Variants in TBC1D4 observed in about 807,000 individuals in gnomAD.
TBC1D4 encodes the protein TBC1 domain family member 4.
TBC1D4 carries 121 observed loss-of-function variants against 142.5 expected under a neutral mutation model. That is an observed-to-expected ratio of 0.85 (90% CI 0.73 to 0.99). The LOEUF is 0.99. TBC1D4 is among the 50% of genes least tolerant of loss of function. The pLI is 0.00. For missense variants in TBC1D4, 1,475 were observed against 1,606.6 expected (o/e 0.92, Z 1.40); for synonymous variants, 630 against 628.2 (o/e 1.00, Z -0.04).
intron 2 of TBC1D4, among the ~76,000 whole-genome samples, chr13:75,360,406 T>C (rs1406373039): frequency 6.6e-6 from 1 of 152,116 alleles, no homozygotes; most frequent in Non-Finnish European, 1.5e-5. Flanking sequence ...ATGACATACC[T>C]TGAGTTCATT....
Position 75,289,097 on chromosome 13 carries a change from T to A in TBC1D4, c.3500A>T (p.Asp1167Val). ...EKIITQVFEM[D>V]ISKQLHAYEV... ...ATAGGCATGCAACTGCTTAGAAATA[T>A]CCATCTCAAAAACCTGCCATGAAAG... Residue 1167 changes from aspartate to valine, a missense_variant, in exon 20 of 21, where the codon GAT (aspartate) becomes GTT (valine). Asp to Val is a radical substitution (Grantham distance 152, BLOSUM62 -3). Transcript: ENST00000377636. 1.2e-6 allele frequency: 2 copies of A among 1,613,730 alleles called. No individual in the cohort carries two copies. Among genetic ancestry groups the A allele is most frequent in the South Asian group, 1.1e-5 (1 of 91,082 alleles).
chr13:75,377,904 T>C (rs1424051567), intron 1 of TBC1D4, among the ~76,000 whole-genome samples: 1 of 151,954 alleles, frequency 6.6e-6, no homozygotes, highest in Non-Finnish European at 1.5e-5. Context: ...AATTATATAT[T>C]AATGGCATGC....
chr13:75,470,226 T>A (rs1361607231), intron 1 of TBC1D4, among the ~76,000 whole-genome samples: 1 of 152,194 alleles, frequency 6.6e-6, no homozygotes, highest in East Asian at 1.9e-4. Flanking sequence ...AAAGTCTCTG[T>A]CACAAATGCT....
At chr13:75,399,192 C>T (rs1593842820) in intron 1 of TBC1D4, among the ~76,000 whole-genome samples, 2 of 152,100 alleles carry the variant, frequency 1.3e-5, no homozygotes, top group South Asian at 4.2e-4. Flanking sequence ...AACCCCCAAA[C>T]TTCTATAGGC....
At chr13:75,384,779 AC>A (rs1428601801) in intron 1 of TBC1D4, among the ~76,000 whole-genome samples, 1 of 152,176 alleles carries the variant, frequency 6.6e-6, no homozygotes, top group Admixed American at 6.5e-5. Context: ...AAATAAACAA[AC>A]AAAAATCATC....
chr13:75,423,126 C>T (rs1435541314), intron 1 of TBC1D4, among the ~76,000 whole-genome samples: 4 of 152,050 alleles, frequency 2.6e-5, no homozygotes, highest in African/African-American at 9.7e-5. Context: ...AAATTGGAAA[C>T]TAGAAACATT....
intron 1 of TBC1D4, among the ~76,000 whole-genome samples, chr13:75,373,777 G>A (rs987536059): frequency 2.0e-5 from 3 of 152,182 alleles, no homozygotes; most frequent in African/African-American, 7.2e-5. Context: ...GAAAGGTTCT[G>A]ATCAGAAAAG....
chr13:75,356,366 A>G (rs1237638157), intron 3 of TBC1D4, 115 bp from the exon 4 acceptor site: 2 of 777,358 alleles, frequency 2.6e-6, no homozygotes, highest in Non-Finnish European at 4.4e-6. Context: ...TTTCTCCTTC[A>G]CAGCAATGAA....
At chr13:75,312,964 C>G (rs1877935598) in intron 12 of TBC1D4, 66 bp from the exon 13 acceptor site, 1 of 1,574,506 alleles carries the variant, frequency 6.4e-7, no homozygotes, top group Non-Finnish European at 8.7e-7. Flanking sequence ...TCACAACCAA[C>G]TGGTAGCACA....
chr13:75,372,752 T>G (rs1883290174), intron 1 of TBC1D4, among the ~76,000 whole-genome samples: 5 of 152,210 alleles, frequency 3.3e-5, no homozygotes. Flanking sequence ...GCTCTCATCT[T>G]AGGCCCATAA....
chr13:75,341,853 C>T (rs571485686), intron 5 of TBC1D4, among the ~76,000 whole-genome samples: 1 of 152,332 alleles, frequency 6.6e-6, no homozygotes, highest in East Asian at 1.9e-4. Flanking sequence ...GTGGCTCGCG[C>T]CTGTAATCCC....
chr13:75,357,770 A>T (rs1882164775), intron 3 of TBC1D4, among the ~76,000 whole-genome samples: 2 of 152,198 alleles, frequency 1.3e-5, no homozygotes, highest in Non-Finnish European at 2.9e-5. Context: ...GTTCCATGGA[A>T]GGATGTAATA....
chr13:75,331,340 T>C, intron 8 of TBC1D4, among the ~76,000 whole-genome samples: 1 of 151,194 alleles, frequency 6.6e-6, no homozygotes, highest in South Asian at 2.1e-4. Context: ...CAAAAAAAAA[T>C]AAAAATAAAA....
chr13:75,470,998 A>C (rs1888376403), intron 1 of TBC1D4, among the ~76,000 whole-genome samples: 1 of 151,994 alleles, frequency 6.6e-6, no homozygotes, highest in African/African-American at 2.4e-5. Flanking sequence ...AAAAAAAAAA[A>C]AACTATATGG....
At chr13:75,330,555 G>C (rs1879662691) in intron 8 of TBC1D4, among the ~76,000 whole-genome samples, 1 of 152,172 alleles carries the variant, frequency 6.6e-6, no homozygotes, top group South Asian at 2.1e-4. Context: ...AGAGACTGAA[G>C]TTCTGATAGA....
intron 1 of TBC1D4, among the ~76,000 whole-genome samples, chr13:75,448,367 A>G (rs1048211494): frequency 6.6e-6 from 1 of 152,128 alleles, no homozygotes; most frequent in Non-Finnish European, 1.5e-5. Context: ...CGGGAGTTCA[A>G]CGCCAGCCTG....
Position 75,289,113 on chromosome 13 carries a change from G to T in TBC1D4, c.3487-3C>A, listed in dbSNP as rs1158743110. On this transcript the variant is annotated splice_region_variant and splice_polypyrimidine_tract_variant and intron_variant, in intron 19 of 20. Coordinates refer to ENST00000377636, the MANE Select transcript of TBC1D4 (RefSeq NM_014832.5). The stretch of plus-strand genomic sequence containing the variant: ...TTAGAAATATCCATCTCAAAAACCT[G>T]CCATGAAAGTATCATGGGTTAGGCT... 6.2e-7 allele frequency: 1 copy of T among 1,613,304 alleles called. No individual in the cohort carries two copies. Among genetic ancestry groups the T allele is most frequent in the Non-Finnish European group, 8.5e-7 (1 of 1,179,724 alleles).
chr13:75,385,187 A>T (rs1180443500), intron 1 of TBC1D4, among the ~76,000 whole-genome samples: 2 of 152,164 alleles, frequency 1.3e-5, no homozygotes, highest in Non-Finnish European at 2.9e-5. Flanking sequence ...CACACCTCTA[A>T]ATCACCCACA....
At chr13:75,343,840 T>G (rs929334386) in intron 5 of TBC1D4, among the ~76,000 whole-genome samples, 3 of 149,940 alleles carry the variant, frequency 2.0e-5, no homozygotes, top group African/African-American at 7.4e-5. Context: ...TATTTTACTT[T>G]ATTTTATTTT....
Sources: gnomAD v4.1 joint callset for allele counts (sites outside exome capture counted in the v4.1 genomes callset) on GRCh38, gnomAD v4.1.1 for gene constraint, MANE v1.5 for transcripts, NCBI Gene and HGNC (gene_info 2026-07-23, HGNC 2026-07-21) for gene names.